TESK2: variants seen among roughly 807,000 people sequenced by gnomAD.
TESK2 encodes the protein dual specificity testis-specific protein kinase 2.
Under a neutral mutation model 57.1 loss-of-function variants are expected in TESK2, and 39 were observed. That is an observed-to-expected ratio of 0.68 (90% confidence interval 0.53 to 0.89). The LOEUF (loss-of-function observed/expected upper bound fraction) is 0.89. TESK2 is among the 40% of genes least tolerant of loss of function. The pLI is 0.00. For synonymous variants in TESK2, 249 were observed against 267.9 expected (o/e 0.93, Z 0.69); for missense variants, 646 against 732.1 (o/e 0.88, Z 1.36).
In TESK2 at chr1:45,344,643, C is replaced by T; in HGVS notation, c.*197G>A. On this transcript the variant is annotated 3_prime_UTR_variant, in exon 11 of 11. Transcript: ENST00000372086. ...TCAGAGGCTTGGTATCAGCTGTTGG[C>T]CCTAACTAGGAAGGCCTCTCACTGC... is the stretch of plus-strand genomic sequence containing the variant. The T allele has an allele frequency of 1.7e-6, 1 of 585,638 alleles. No homozygotes were observed. Among genetic ancestry groups the T allele is most frequent in the South Asian group, 2.1e-5 (1 of 46,884 alleles). The allele number at this position is 585,638 out of a possible 1,614,324, so 36.3% of individuals were successfully genotyped here.
At chr1:45,368,341 G>GT (rs1436454289) in intron 4 of TESK2, among the ~76,000 whole-genome samples, 20 of 151,052 alleles carry the variant, frequency 1.3e-4, no homozygotes, top group Admixed American at 1.3e-3. Flanking sequence ...TTTTGTTTTT[G>GT]TTTTTTTGTG....
chr1:45,398,952 C>T (rs1022311983), intron 3 of TESK2: 11 of 432,138 alleles, frequency 2.5e-5, no homozygotes, highest in Non-Finnish European at 4.1e-5. Context: ...TCTCCTTCCA[C>T]CTCTACCCAA....
At chr1:45,374,694 T>C (rs1387025445) in intron 4 of TESK2, among the ~76,000 whole-genome samples, 1 of 152,132 alleles carries the variant, frequency 6.6e-6, no homozygotes, top group African/African-American at 2.4e-5. Flanking sequence ...AAGGAAGGTA[T>C]CACTCAGAGT....
chr1:45,475,652 G>C (rs529363458), intron 1 of TESK2, among the ~76,000 whole-genome samples: 98 of 152,346 alleles, frequency 6.4e-4, no homozygotes, highest in Non-Finnish European at 1.1e-3. Context: ...AGGATGCAAA[G>C]TATTGTTCCT....
At position 45,344,702 on chromosome 1, in the gene TESK2, G is replaced by A; in HGVS notation, c.*138C>T. On this transcript the variant is annotated 3_prime_UTR_variant, in exon 11 of 11. Coordinates refer to ENST00000372086, the MANE Select transcript of TESK2 (RefSeq NM_007170.3). ...GTCATACACAGCCAATGGGCACTGGGAGCCCAGAAGTTGAGCCTGGCTTGG... is the reference window on the plus strand; with the variant it reads ...GTCATACACAGCCAATGGGCACTGGAAGCCCAGAAGTTGAGCCTGGCTTGG... The A allele has an allele frequency of 1.3e-6, 1 of 775,276 alleles. No homozygotes were observed. The allele number at this position is 775,276 out of a possible 1,614,324, so 48.0% of individuals were successfully genotyped here.
At chr1:45,487,380 C>T (rs1182862023) in intron 1 of TESK2, among the ~76,000 whole-genome samples, 1 of 152,166 alleles carries the variant, frequency 6.6e-6, no homozygotes, top group East Asian at 1.9e-4. Flanking sequence ...GCAGGCCCAC[C>T]TATAGGACTT....
At chr1:45,359,728 G>T (rs1353987226) in intron 4 of TESK2, among the ~76,000 whole-genome samples, 1 of 152,024 alleles carries the variant, frequency 6.6e-6, no homozygotes, top group East Asian at 1.9e-4. Context: ...GCAGGGCATG[G>T]TGGCAGACGA....
At chr1:45,416,002 T>C (rs1324636727) in intron 3 of TESK2, among the ~76,000 whole-genome samples, 1 of 150,672 alleles carries the variant, frequency 6.6e-6, no homozygotes, top group South Asian at 2.1e-4. Flanking sequence ...ATTTTATATG[T>C]GACCCCAGAT....
rs774581306 is a variant in TESK2 at position 45,345,958 on chromosome 1, C to T, written c.916G>A (p.Gly306Arg). The change falls in exon 10 of 11, where the codon GGG becomes AGG. Residue 306 changes from glycine (G) to arginine (R), a missense_variant. By Grantham distance (125) the Gly-to-Arg change is moderately radical. Transcript: ENST00000372086. ...PKLRPSFVEI[G>R]KTLEEILSRL... ...CTCAGAATTTCCTCCAGGGTCTTCC[C>T]AATCTCCACAAAAGATGGGCGCAGT... The T allele has an allele frequency of 3.0e-5, 48 of 1,614,052 alleles. No individual in the cohort carries two copies. Among genetic ancestry groups the T allele is most frequent in the Middle Eastern group, 1.6e-4 (1 of 6,078 alleles).
At chr1:45,347,176 T>C (rs1293993149) in intron 7 of TESK2, 114 bp from the exon 8 acceptor site, 1 of 804,118 alleles carries the variant, frequency 1.2e-6, no homozygotes, top group East Asian at 2.6e-5. Flanking sequence ...CTGGGCCATA[T>C]TGCCCATACT....
At chr1:45,481,748 C>T (rs7539253) in intron 1 of TESK2, among the ~76,000 whole-genome samples, 112,093 of 152,038 alleles carry the variant, frequency 0.74, 41,739 homozygotes, top group East Asian at 0.93. Context: ...GTTAGGTATG[C>T]CATGAATGCA....
At chr1:45,355,969 C>T (rs975176091) in intron 4 of TESK2, among the ~76,000 whole-genome samples, 1 of 152,120 alleles carries the variant, frequency 6.6e-6, no homozygotes, top group African/African-American at 2.4e-5. Flanking sequence ...TGAACTTTAT[C>T]CTGTCTATAG....
At chr1:45,402,585 C>T (rs1005693539) in intron 3 of TESK2, among the ~76,000 whole-genome samples, 9 of 151,174 alleles carry the variant, frequency 6.0e-5, no homozygotes, top group Admixed American at 2.6e-4. Flanking sequence ...TGGGTTCAAG[C>T]GATTCTCCTG....
chr1:45,366,487 C>T (rs1302849827), intron 4 of TESK2, among the ~76,000 whole-genome samples: 1 of 152,110 alleles, frequency 6.6e-6, no homozygotes, highest in Non-Finnish European at 1.5e-5. Context: ...AATCCCAGTA[C>T]TTTGGGAGGC....
intron 1 of TESK2, among the ~76,000 whole-genome samples, chr1:45,468,924 T>C (rs937893604): frequency 1.3e-5 from 2 of 152,198 alleles, no homozygotes; most frequent in Non-Finnish European, 2.9e-5. Context: ...GACTAGGAAA[T>C]AGCATTTAGC....
intron 1 of TESK2, among the ~76,000 whole-genome samples, chr1:45,482,749 G>C (rs1039273197): frequency 2.2e-5 from 2 of 90,362 alleles, no homozygotes; most frequent in South Asian, 7.3e-4. Flanking sequence ...GGAGGCCAAG[G>C]GGGGTGGATC....
At chr1:45,436,819 A>G (rs1353966996) in intron 2 of TESK2, among the ~76,000 whole-genome samples, 1 of 123,926 alleles carries the variant, frequency 8.1e-6, no homozygotes, top group Non-Finnish European at 1.7e-5. Context: ...TTTTTTTTAG[A>G]CAGAGTCTCA....
intron 4 of TESK2, among the ~76,000 whole-genome samples, chr1:45,363,318 C>T (rs1408230673): frequency 6.6e-6 from 1 of 152,168 alleles, no homozygotes; most frequent in Non-Finnish European, 1.5e-5. Context: ...TTTCTTGCCC[C>T]CTTTTGCATC....
chr1:45,397,719 T>C (rs971321583), intron 3 of TESK2, among the ~76,000 whole-genome samples: 2 of 152,196 alleles, frequency 1.3e-5, no homozygotes, highest in Non-Finnish European at 2.9e-5. Flanking sequence ...CTTCTAAATA[T>C]GTCCTGAATC....
Sources: gnomAD v4.1 joint callset for allele counts (sites outside exome capture counted in the v4.1 genomes callset) on GRCh38, gnomAD v4.1.1 for gene constraint, MANE v1.5 for transcripts, NCBI Gene and HGNC (gene_info 2026-07-23, HGNC 2026-07-21) for gene names.